SCNN1D: variants seen among roughly 807,000 people sequenced by gnomAD.
SCNN1D encodes the protein sodium channel epithelial 1 subunit delta.
Under a neutral mutation model 87.8 loss-of-function variants are expected in SCNN1D, and 104 were observed. The ratio of observed to expected loss-of-function variants is 1.18; its 90% CI spans 1.01 to 1.39. SCNN1D has a LOEUF of 1.39. SCNN1D is among the 40% of genes most tolerant of loss of function. The pLI, the probability that SCNN1D is intolerant of heterozygous loss-of-function variation, is 0.00. For missense variants in SCNN1D, 1,324 were observed against 1,093.9 expected (o/e 1.21, Z -2.97); for synonymous variants, 628 against 481.2 (o/e 1.31, Z -3.99).
In SCNN1D at chr1:1,286,889, C is replaced by G. The variant is rs148117452; in HGVS notation, c.1033C>G (p.His345Asp). 5 of 1,612,640 alleles carry G rather than the reference C, an allele frequency of 3.1e-6. No individual in the cohort carries two copies. In the South Asian group the frequency reaches 4.4e-5, roughly 14 times the overall value. Residue 345 changes from histidine to aspartate, a missense_variant, in exon 8 of 18, where the codon CAC becomes GAC. By Grantham distance (81) the His-to-Asp change is moderately conservative. Transcript: ENST00000379116. Reference protein sequence around the residue: ...RAALSATVPRHEPPFHLDREI... With the variant: ...RAALSATVPRDEPPFHLDREI... ...CGCCCTCTCCGCCACTGTCCCCCGC[C>G]ACGAGCCCCCCTTCCACCTGGACCG... is the stretch of plus-strand genomic sequence containing the variant.
Position 1,280,490 on chromosome 1 carries a change from T to G in SCNN1D, c.-172T>G. 2.0e-6 allele frequency: 1 copy of G among 493,800 alleles called. No individual in the cohort carries two copies. Among genetic ancestry groups the G allele is most frequent in the Non-Finnish European group, 3.7e-6 (1 of 273,750 alleles). The allele number at this position is 493,800 out of a possible 1,614,324, so 30.6% of individuals were successfully genotyped here. ...AAATAAAAAAAAAAAAGAGTTGTTA[T>G]CAGTAGAAGGGAATGTCTGGTTACA... On this transcript the variant is annotated 5_prime_UTR_variant, in exon 1 of 18. Transcript: ENST00000379116.
chr1:1,290,570 T>G lies in SCNN1D; in HGVS notation c.1859+15T>G, dbSNP rs559790136. The G allele has an allele frequency of 1.2e-6, 2 of 1,612,548 alleles. No homozygotes were observed. The highest frequency in any genetic ancestry group is 4.5e-5 in the East Asian group (2 of 44,880). Reference sequence around the variant, plus strand: ...AGGCCCTGCAGGTGAGACGGGGGTGTTGGGGTCGCGGCCAGGGATCATTGC... The same window carrying G: ...AGGCCCTGCAGGTGAGACGGGGGTGGTGGGGTCGCGGCCAGGGATCATTGC... On this transcript the variant is annotated intron_variant, in intron 14 of 17. Transcript: ENST00000379116.
rs904491506 is a variant in SCNN1D, at chr1:1,291,593, G to C, written c.2392G>C (p.Glu798Gln). 6.5e-7 allele frequency: 1 copy of C among 1,543,054 alleles called. No individual in the cohort carries two copies. Among genetic ancestry groups the C allele is most frequent in the Non-Finnish European group, 8.8e-7 (1 of 1,142,420 alleles). The change falls in exon 18 of 18, where the codon GAG becomes CAG. Residue 798 changes from glutamate (E) to glutamine (Q), a missense_variant. Glu to Gln is a conservative substitution (Grantham distance 29, BLOSUM62 2). Coordinates refer to ENST00000379116, the MANE Select transcript of SCNN1D (RefSeq NM_001130413.4). ...EESWAGPQPL[E>Q]TLDT is the part of the protein sequence containing the mutation. ...GAGCTGGGCTGGGCCCCAGCCCCTTGAGACTCTGGACACCTGAACCAGACC... is the reference window on the plus strand; with the variant it reads ...GAGCTGGGCTGGGCCCCAGCCCCTTCAGACTCTGGACACCTGAACCAGACC...
At position 1,290,256 on chromosome 1, in the gene SCNN1D, C is replaced by A. The variant is rs766938215; in HGVS notation, c.1663-15C>A. ...CGCTCCATCCCATGTCCCTGCTCAT[C>A]CCCCCTGTCCCCAGGCCTGCCTGGT... On this transcript the variant is annotated splice_polypyrimidine_tract_variant and intron_variant, in intron 12 of 17. Transcript: ENST00000379116. 3 of 1,528,174 alleles carry A rather than the reference C, an allele frequency of 2.0e-6. No individual in the cohort carries two copies. Among genetic ancestry groups the A allele is most frequent in the Non-Finnish European group, 2.6e-6 (3 of 1,133,520 alleles). The allele number at this position is 1,528,174 out of a possible 1,614,324, so 94.7% of individuals were successfully genotyped here. A position where few individuals can be genotyped will look rare whatever the true frequency, so the allele number is the denominator to read the frequency against.
intron 3 of SCNN1D, chr1:1,281,821 C>G (rs1640476588): frequency 1.7e-6 from 1 of 598,788 alleles, no homozygotes; most frequent in African/African-American, 1.9e-5. Flanking sequence ...CTGGACCGGG[C>G]CCCACTGGCC....
chr1:1,288,764 C>T (rs867153610), intron 12 of SCNN1D, among the ~76,000 whole-genome samples: 26 of 422 alleles, frequency 0.062, 1 homozygote, highest in South Asian at 0.25. Context: ...GTCCCGTGTC[C>T]CTGCTCCGTC....
chr1:1,282,756 CT>C (rs61112547), intron 4 of SCNN1D, among the ~76,000 whole-genome samples: 5,400 of 142,400 alleles, frequency 0.038, 164 homozygotes, highest in African/African-American at 0.092. Flanking sequence ...GAATCACTTT[CT>C]TTTTTTTTTT....
chr1:1,291,101 G>A lies in SCNN1D; in HGVS notation c.2013G>A (p.Glu671=), dbSNP rs138029043. ...SLAKINIVYQ[E]LNYRSVEEAP... is the part of the protein sequence containing the mutation. ...CCAAAATCAACATCGTCTACCAGGA[G>A]CTCAACTACCGCTCAGTGGAGGAGG... The change falls in exon 17 of 18, where the codon GAG becomes GAA. Residue 671 remains glutamate, a synonymous_variant. Coordinates refer to ENST00000379116, the MANE Select transcript of SCNN1D (RefSeq NM_001130413.4). 3.1e-5 allele frequency: 50 copies of A among 1,612,262 alleles called. No individual in the cohort carries two copies. The African/African-American group carries it at 5.6e-4, about 18-fold the overall frequency.
intron 4 of SCNN1D, among the ~76,000 whole-genome samples, chr1:1,283,766 T>G (rs1640515982): frequency 6.6e-6 from 1 of 151,638 alleles, no homozygotes; most frequent in Admixed American, 6.6e-5. Context: ...TCCCCCTCCC[T>G]CCACAGGCTG....
rs1396020551 is a variant in SCNN1D, at chr1:1,282,332, T to G, written c.351+17T>G. The G allele has an allele frequency of 6.5e-7, 1 of 1,549,834 alleles. No homozygotes were observed. The highest frequency in any genetic ancestry group is 1.2e-5 in the South Asian group (1 of 84,040). The stretch of plus-strand genomic sequence containing the variant: ...AGCCGGCAGGCAGGTGACCTCACCC[T>G]CCTCAGAGCCATGGCTCTGCTGCTG... On this transcript the variant is annotated intron_variant, in intron 4 of 17. Transcript: ENST00000379116.
At chr1:1,290,810 G>T in intron 15 of SCNN1D, 85 bp from the exon 16 acceptor site, 1 of 1,581,846 alleles carries the variant, frequency 6.3e-7, no homozygotes. Flanking sequence ...ATGCCCCGTG[G>T]TCTCTGCCCC....
At chr1:1,286,666 CGAGTAGGG>C in intron 7 of SCNN1D, 94 bp from the exon 8 acceptor site, 2 of 1,155,874 alleles carry the variant, frequency 1.7e-6, no homozygotes, top group Non-Finnish European at 2.5e-6. Flanking sequence ...CTGGGCGTCC[CGAGTAGGG>C]GAGGCACTGC....
intron 5 of SCNN1D, among the ~76,000 whole-genome samples, chr1:1,284,847 G>C (rs1398635992): frequency 6.6e-6 from 1 of 152,108 alleles, no homozygotes; most frequent in Non-Finnish European, 1.5e-5. Context: ...CTCTGACCAG[G>C]GGTCCAGGCC....
chr1:1,282,327 C>T lies in SCNN1D; in HGVS notation c.351+12C>T. On this transcript the variant is annotated intron_variant, in intron 4 of 17. Transcript: ENST00000379116. Reference sequence around the variant, plus strand: ...TCCAGAGCCGGCAGGCAGGTGACCTCACCCTCCTCAGAGCCATGGCTCTGC... The same window carrying T: ...TCCAGAGCCGGCAGGCAGGTGACCTTACCCTCCTCAGAGCCATGGCTCTGC... The T allele has an allele frequency of 1.3e-6, 2 of 1,550,030 alleles. No individual in the cohort carries two copies. The highest frequency in any genetic ancestry group is 1.7e-6 in the Non-Finnish European group (2 of 1,146,814).
chr1:1,291,683 GC>G lies in SCNN1D; in HGVS notation c.*76del. The stretch of plus-strand genomic sequence containing the variant: ...TGTGGCAGCAGCAGGCTCCCCAGCG[GC>G]CCAGGGTGGGCCAGACCAGCAGCCC... On this transcript the variant is annotated 3_prime_UTR_variant, in exon 18 of 18. Transcript: ENST00000379116. The G allele has an allele frequency of 8.0e-7, 1 of 1,243,552 alleles. No homozygotes were observed. Among genetic ancestry groups the G allele is most frequent in the Non-Finnish European group, 1.1e-6 (1 of 912,300 alleles). 77.0% of individuals were successfully genotyped at this position (1,243,552 alleles called of 1,614,324 possible). A position where few individuals can be genotyped will look rare whatever the true frequency, so the allele number is the denominator to read the frequency against.
At position 1,287,550 on chromosome 1, in the gene SCNN1D, C is replaced by A. The variant is rs754300796; in HGVS notation, c.1353C>A (p.Tyr451Ter). Residue 451 changes from tyrosine to a stop codon, truncating the protein, a stop_gained, in exon 10 of 18, where the codon TAC (tyrosine) becomes TAA (stop). Transcript: ENST00000379116. LOFTEE classifies it high-confidence loss of function. ...TFHHPTYGSC[Y>*]TVDGVWTAQR... ...ACCACCCCACCTACGGCAGCTGCTA[C>A]ACGGTCGATGGCGTCTGGACAGCTC... 1.3e-6 allele frequency: 2 copies of A among 1,547,522 alleles called. No homozygotes were observed. The highest frequency in any genetic ancestry group is 2.3e-5 in the East Asian group (1 of 44,116).
At position 1,291,494 on chromosome 1, in the gene SCNN1D, G is replaced by A; in HGVS notation, c.2293G>A (p.Asp765Asn). 6.2e-7 allele frequency: 1 copy of A among 1,609,338 alleles called. No homozygotes were observed. The highest frequency in any genetic ancestry group is 8.5e-7 in the Non-Finnish European group (1 of 1,177,870). ...MPPPAGGTSD[D>N]PEPSGPHLPR... ...CCCGCCTGCAGGCGGCACGTCAGAT[G>A]ACCCGGAGCCCAGCGGGCCTCATCT... The change falls in exon 18 of 18, where the codon GAC (aspartate) becomes AAC (asparagine). Residue 765 changes from aspartate to asparagine, a missense_variant. Physicochemically the swap from Asp to Asn is conservative, Grantham distance 23. Coordinates refer to ENST00000379116, the MANE Select transcript of SCNN1D (RefSeq NM_001130413.4).
chr1:1,284,612 C>G (rs988248372), intron 5 of SCNN1D, among the ~76,000 whole-genome samples: 1 of 144,262 alleles, frequency 6.9e-6, no homozygotes, highest in Admixed American at 6.8e-5. Context: ...CGGGGGGTGC[C>G]GAGCGTGTGC....
At position 1,291,533 on chromosome 1, in the gene SCNN1D, C is replaced by A; in HGVS notation, c.2332C>A (p.Leu778Ile). ...PSGPHLPRVMLPGVLAGVSAE... is the reference protein window; with the variant it reads ...PSGPHLPRVMIPGVLAGVSAE... ...CGGGCCTCATCTCCCACGGGTGATG[C>A]TTCCAGGGGTTCTGGCGGGAGTCTC... Residue 778 changes from leucine (L) to isoleucine (I), a missense_variant, in exon 18 of 18, where the codon CTT becomes ATT. Leu to Ile is a conservative substitution (Grantham distance 5). Coordinates refer to ENST00000379116, the MANE Select transcript of SCNN1D (RefSeq NM_001130413.4). 1 of 1,601,976 alleles carries A rather than the reference C, an allele frequency of 6.2e-7. No homozygotes were observed. Among genetic ancestry groups the A allele is most frequent in the Non-Finnish European group, 8.5e-7 (1 of 1,172,592 alleles).
Sources: gnomAD v4.1 joint callset for allele counts (sites outside exome capture counted in the v4.1 genomes callset) on GRCh38, gnomAD v4.1.1 for gene constraint, MANE v1.5 for transcripts, NCBI Gene and HGNC (gene_info 2026-07-23, HGNC 2026-07-21) for gene names.